The following EPHA6 variants were observed in gnomAD, a reference collection of about 807,000 sequenced individuals.
The protein encoded by EPHA6 is ephrin type-A receptor 6.
A neutral mutation model predicts 112.0 loss-of-function variants in EPHA6; 50 were observed. That is an observed-to-expected ratio of 0.45 (90% CI 0.36 to 0.56). The LOEUF (loss-of-function observed/expected upper bound fraction) is 0.56, where lower values mean the gene tolerates loss of function less well. Among genes scored for constraint, EPHA6 ranks in the 20% least tolerant of loss-of-function variants. The pLI is 0.00. For synonymous variants in EPHA6, 529 were observed against 490.7 expected, an observed-to-expected ratio of 1.08 and a Z score of -1.03; for missense variants, 1,280 against 1,417.4, an observed-to-expected ratio of 0.90 and a Z score of 1.56.
chr3:96,851,381 A>T (rs1299071471), intron 1 of EPHA6, among the ~76,000 whole-genome samples: 1 of 152,154 alleles, frequency 6.6e-6, no homozygotes, highest in Non-Finnish European at 1.5e-5. Context: ...TATTTAGAGG[A>T]TGAGAATTTA....
At chr3:96,833,867 A>T (rs553348105) in intron 1 of EPHA6, among the ~76,000 whole-genome samples, 3 of 152,064 alleles carry the variant, frequency 2.0e-5, no homozygotes, top group Admixed American at 1.3e-4. Context: ...GCTACAAATT[A>T]CTAGACCTTA....
chr3:96,822,077 C>T (rs2107223833), intron 1 of EPHA6, among the ~76,000 whole-genome samples: 1 of 151,956 alleles, frequency 6.6e-6, no homozygotes, highest in East Asian at 1.9e-4. Context: ...TCACAAGACT[C>T]TTCTGATGTT....
chr3:97,646,723 G>A (rs1006648278), intron 14 of EPHA6, among the ~76,000 whole-genome samples: 3 of 152,148 alleles, frequency 2.0e-5, no homozygotes, highest in African/African-American at 7.2e-5. Flanking sequence ...GGTCCACCAT[G>A]CACTGGGTAC....
chr3:97,749,932 A>T lies in EPHA6; in HGVS notation c.*1231A>T, dbSNP rs773276242. On this transcript the variant is annotated 3_prime_UTR_variant, in exon 18 of 18. Transcript: ENST00000389672. ...TCTTACACATGAGCATAGTGTGTCA[A>T]CCTGGGTCCAACGTACAGTTACATA... Among the ~76,000 whole-genome samples, 2 of 152,208 alleles carry T rather than the reference A, an allele frequency of 1.3e-5. No individual in the cohort carries two copies. The highest frequency in any genetic ancestry group is 2.9e-5 in the Non-Finnish European group (2 of 68,030).
At chr3:96,926,432 A>C (rs2040040180) in intron 2 of EPHA6, among the ~76,000 whole-genome samples, 1 of 152,156 alleles carries the variant, frequency 6.6e-6, no homozygotes. Flanking sequence ...TTGCATTTCA[A>C]AACCAATCAT....
At chr3:97,281,050 C>T (rs2080266750) in intron 5 of EPHA6, among the ~76,000 whole-genome samples, 1 of 152,124 alleles carries the variant, frequency 6.6e-6, no homozygotes, top group African/African-American at 2.4e-5. Flanking sequence ...ATTAAGTAAA[C>T]TTCTTTGTTA....
chr3:97,145,169 A>T (rs2108361550), intron 3 of EPHA6, among the ~76,000 whole-genome samples: 1 of 151,518 alleles, frequency 6.6e-6, no homozygotes, highest in South Asian at 2.1e-4. Flanking sequence ...CTTAAATTTT[A>T]TTTTACTATG....
At chr3:97,236,159 G>A (rs2078673848) in intron 4 of EPHA6, among the ~76,000 whole-genome samples, 1 of 151,886 alleles carries the variant, frequency 6.6e-6, no homozygotes, top group African/African-American at 2.4e-5. Flanking sequence ...TTGGAGTACA[G>A]GAGATCCTGC....
chr3:97,163,082 T>C (rs955223522), intron 3 of EPHA6, among the ~76,000 whole-genome samples: 4 of 152,186 alleles, frequency 2.6e-5, no homozygotes, highest in African/African-American at 7.2e-5. Context: ...GGCTTACAGA[T>C]AAGTGAAATC....
At chr3:97,721,362 A>G (rs985313426) in intron 15 of EPHA6, among the ~76,000 whole-genome samples, 4 of 152,158 alleles carry the variant, frequency 2.6e-5, no homozygotes, top group African/African-American at 9.7e-5. Context: ...GGACTTAATC[A>G]CAGAGAAAAT....
chr3:97,624,083 T>G (rs2093835276), intron 13 of EPHA6, among the ~76,000 whole-genome samples: 1 of 151,730 alleles, frequency 6.6e-6, no homozygotes, highest in Non-Finnish European at 1.5e-5. Flanking sequence ...GAATCGAAGT[T>G]GTGAAAGTGC....
At chr3:97,491,852 A>G (rs1232284143) in intron 10 of EPHA6, among the ~76,000 whole-genome samples, 2 of 152,006 alleles carry the variant, frequency 1.3e-5, no homozygotes, top group African/African-American at 2.4e-5. Flanking sequence ...TTTCAAGCAG[A>G]GAGCAAGAGT....
intron 11 of EPHA6, among the ~76,000 whole-genome samples, chr3:97,586,184 A>G (rs1238459901): frequency 6.6e-6 from 1 of 152,198 alleles, no homozygotes; most frequent in African/African-American, 2.4e-5. Flanking sequence ...TTCTGGTCAC[A>G]TTAGAGGAGA....
At chr3:96,826,863 T>C (rs961955538) in intron 1 of EPHA6, among the ~76,000 whole-genome samples, 1 of 152,102 alleles carries the variant, frequency 6.6e-6, no homozygotes, top group African/African-American at 2.4e-5. Context: ...AATTGTGAAA[T>C]AAAATACCCA....
At chr3:97,307,923 A>G (rs1489796986) in intron 5 of EPHA6, among the ~76,000 whole-genome samples, 1 of 151,748 alleles carries the variant, frequency 6.6e-6, no homozygotes, top group East Asian at 1.9e-4. Flanking sequence ...CATAGACAAC[A>G]TAAACTCAGC....
At chr3:97,420,401 G>A (rs747885514) in intron 6 of EPHA6, among the ~76,000 whole-genome samples, 3 of 151,882 alleles carry the variant, frequency 2.0e-5, no homozygotes, top group Non-Finnish European at 4.4e-5. Flanking sequence ...GAAATATAAT[G>A]AATTTTCCAA....
intron 5 of EPHA6, among the ~76,000 whole-genome samples, chr3:97,360,351 T>A (rs1262926751): frequency 6.6e-6 from 1 of 152,340 alleles, no homozygotes; most frequent in South Asian, 2.1e-4. Flanking sequence ...GTTGCCTAGA[T>A]GGGAAGACAG....
chr3:96,926,039 C>G (rs1449460488), intron 2 of EPHA6, among the ~76,000 whole-genome samples: 1 of 152,110 alleles, frequency 6.6e-6, no homozygotes, highest in African/African-American at 2.4e-5. Flanking sequence ...CATTTTCACA[C>G]TGCTATAAAA....
intron 3 of EPHA6, among the ~76,000 whole-genome samples, chr3:97,133,698 G>T (rs974326598): frequency 1.3e-5 from 2 of 151,910 alleles, no homozygotes; most frequent in Non-Finnish European, 2.9e-5. Flanking sequence ...TGGCATAAAG[G>T]TGCTCCCTTT....
Sources: allele counts gnomAD v4.1 joint callset (sites outside exome capture counted in the v4.1 genomes callset), GRCh38; gene constraint gnomAD v4.1.1; transcripts MANE v1.5; gene names NCBI Gene and HGNC (gene_info 2026-07-23, HGNC 2026-07-21).